Variants in UBE2N observed in about 807,000 individuals in gnomAD.
UBE2N encodes ubiquitin conjugating enzyme E2 N, also known as ubiquitin-conjugating enzyme E2 N.
For synonymous variants in UBE2N, 70 were observed against 69.2 expected, an observed-to-expected ratio of 1.01 and a Z score of -0.06; for missense variants, 60 against 192.1, an observed-to-expected ratio of 0.31 and a Z score of 4.07.
intron 1 of UBE2N, among the ~76,000 whole-genome samples, chr12:93,429,521 A>G (rs964184077): frequency 6.6e-6 from 1 of 151,678 alleles, no homozygotes; most frequent in Non-Finnish European, 1.5e-5. Context: ...TTACTATACT[A>G]TACTTTTATT....
At chr12:93,441,278 T>A (rs1386624808) in intron 1 of UBE2N, 1 of 152,092 alleles carries the variant, frequency 6.6e-6, no homozygotes, top group Non-Finnish European at 1.5e-5. Flanking sequence ...GGGGCGAGCA[T>A]GTGCTGACCG....
intron 1 of UBE2N, chr12:93,441,266 CA>C (rs1345131595): frequency 6.6e-6 from 1 of 152,342 alleles, no homozygotes; most frequent in Non-Finnish European, 1.5e-5. Context: ...CCGCGGCAAC[CA>C]GGGGCGAGCA....
chr12:93,421,654 G>A (rs933097085), intron 1 of UBE2N, among the ~76,000 whole-genome samples: 1 of 151,606 alleles, frequency 6.6e-6, no homozygotes, highest in Non-Finnish European at 1.5e-5. Flanking sequence ...TTTTTGAACT[G>A]GTAACCAGAA....
intron 1 of UBE2N, among the ~76,000 whole-genome samples, chr12:93,435,201 G>A (rs141069003): frequency 1.3e-5 from 2 of 152,018 alleles, no homozygotes; most frequent in African/African-American, 2.4e-5. Context: ...GGACAGGCGC[G>A]GTGACTCACA....
intron 1 of UBE2N, among the ~76,000 whole-genome samples, chr12:93,423,424 C>T (rs1328425646): frequency 6.6e-6 from 1 of 152,182 alleles, no homozygotes; most frequent in African/African-American, 2.4e-5. Flanking sequence ...AGCTAAATAA[C>T]TCTTTGGGAT....
At chr12:93,437,028 C>T (rs1355996548) in intron 1 of UBE2N, among the ~76,000 whole-genome samples, 2 of 151,418 alleles carry the variant, frequency 1.3e-5, no homozygotes, top group Admixed American at 6.6e-5. Context: ...TTTGGGAGGC[C>T]GAGGTGGAAG....
At chr12:93,418,082 G>A (rs1878278032) in intron 1 of UBE2N, among the ~76,000 whole-genome samples, 1 of 152,016 alleles carries the variant, frequency 6.6e-6, no homozygotes, top group Admixed American at 6.6e-5. Flanking sequence ...TCCCGCCCTG[G>A]CCTCCCAAAG....
chr12:93,423,335 T>C (rs149329865), intron 1 of UBE2N, among the ~76,000 whole-genome samples: 13 of 152,026 alleles, frequency 8.6e-5, no homozygotes, highest in African/African-American at 2.4e-4. Flanking sequence ...CTAAACTCAA[T>C]AGGAAAGGAA....
At chr12:93,435,983 G>GA (rs1478497902) in intron 1 of UBE2N, among the ~76,000 whole-genome samples, 1 of 152,166 alleles carries the variant, frequency 6.6e-6, no homozygotes, top group African/African-American at 2.4e-5. Context: ...TAAATTCTGC[G>GA]AAAGACTGGT....
intron 2 of UBE2N, 37 bp downstream of exon 2, chr12:93,411,016 C>G: frequency 6.2e-7 from 1 of 1,613,986 alleles, no homozygotes. Context: ...AAGGAGAAAG[C>G]TTAATAATAG....
At chr12:93,411,683 GT>G (rs148252849) in intron 1 of UBE2N, among the ~76,000 whole-genome samples, 6 of 151,698 alleles carry the variant, frequency 4.0e-5, no homozygotes, top group African/African-American at 1.5e-4. Context: ...TTTTTTGGTG[GT>G]TTTTTTTGGC....
intron 1 of UBE2N, among the ~76,000 whole-genome samples, chr12:93,433,899 G>A (rs1878844627): frequency 6.6e-6 from 1 of 152,088 alleles, no homozygotes; most frequent in Non-Finnish European, 1.5e-5. Context: ...TAAGGTATAG[G>A]GAAAAAAGAA....
At chr12:93,412,847 T>C (rs1192379302) in intron 1 of UBE2N, among the ~76,000 whole-genome samples, 5 of 152,268 alleles carry the variant, frequency 3.3e-5, no homozygotes, top group Non-Finnish European at 7.3e-5. Flanking sequence ...AGTATAAGCA[T>C]GCCAGGGCAA....
At chr12:93,425,350 C>A (rs1398275692) in intron 1 of UBE2N, among the ~76,000 whole-genome samples, 1 of 152,154 alleles carries the variant, frequency 6.6e-6, no homozygotes, top group Non-Finnish European at 1.5e-5. Flanking sequence ...TTATTTTAGT[C>A]ATGAAAAGCA....
intron 1 of UBE2N, among the ~76,000 whole-genome samples, chr12:93,429,876 T>C (rs1003755043): frequency 6.6e-6 from 1 of 152,122 alleles, no homozygotes; most frequent in Non-Finnish European, 1.5e-5. Flanking sequence ...TAAATGTTAA[T>C]ACAAAAAAAT....
intron 1 of UBE2N, among the ~76,000 whole-genome samples, chr12:93,425,792 C>T (rs887346116): frequency 1.3e-5 from 2 of 152,180 alleles, no homozygotes; most frequent in African/African-American, 2.4e-5. Context: ...GACACTATTC[C>T]TACAGGTCAT....
At chr12:93,410,331 A>G in intron 3 of UBE2N, 1 of 502,292 alleles carries the variant, frequency 2.0e-6, no homozygotes, top group Non-Finnish European at 3.5e-6. Context: ...TTCTAGATAC[A>G]CAATTCTCCC....
chr12:93,437,177 A>AG (rs975893301), intron 1 of UBE2N, among the ~76,000 whole-genome samples: 40 of 152,044 alleles, frequency 2.6e-4, no homozygotes, highest in Non-Finnish European at 4.4e-4. Context: ...CAGCCCTTTG[A>AG]GAAAAAAAAA....
chr12:93,412,405 T>C (rs182304055), intron 1 of UBE2N, among the ~76,000 whole-genome samples: 2 of 152,372 alleles, frequency 1.3e-5, no homozygotes, highest in East Asian at 3.9e-4. Context: ...AGATGAAATG[T>C]CACGTACTCT....
Sources: gnomAD v4.1 joint callset for allele counts (sites outside exome capture counted in the v4.1 genomes callset) on GRCh38, gnomAD v4.1.1 for gene constraint, MANE v1.5 for transcripts, NCBI Gene and HGNC (gene_info 2026-07-23, HGNC 2026-07-21) for gene names.